The following YWHAE variants were observed in gnomAD, a reference collection of about 807,000 sequenced individuals.
YWHAE encodes tyrosine 3-monooxygenase/tryptophan 5-monooxygenase activation protein epsilon.
In YWHAE, 4 loss-of-function variants were observed where a neutral mutation model predicts 30.1. That is an observed-to-expected ratio of 0.13 (90% CI 0.07 to 0.30). The LOEUF (loss-of-function observed/expected upper bound fraction) is 0.30. YWHAE is among the 10% of genes least tolerant of loss of function. The probability of loss-of-function intolerance (pLI) is 1.00; values close to 1 mark genes in which losing one functional copy is unlikely to be tolerated. For synonymous variants in YWHAE, 118 were observed against 111.8 expected, an observed-to-expected ratio of 1.06 and a Z score of -0.35; for missense variants, 121 against 315.9, an observed-to-expected ratio of 0.38 and a Z score of 4.68.
At chr17:1,348,963 T>A (rs551460892) in intron 5 of YWHAE, among the ~76,000 whole-genome samples, 1 of 148,152 alleles carries the variant, frequency 6.7e-6, no homozygotes, top group African/African-American at 2.5e-5. Flanking sequence ...GAGGCGGAGT[T>A]TGCAGTGAGC....
intron 1 of YWHAE, chr17:1,398,917 C>G (rs1052474595): frequency 6.6e-6 from 1 of 152,122 alleles, no homozygotes; most frequent in Non-Finnish European, 1.5e-5. Context: ...AAAAAGAAAG[C>G]AACAGGATCT....
chr17:1,383,561 G>T (rs926565310), intron 1 of YWHAE, among the ~76,000 whole-genome samples: 1 of 81,170 alleles, frequency 1.2e-5, no homozygotes, highest in Non-Finnish European at 2.2e-5. Context: ...GCAAGTTTTT[G>T]TATTTTTAGT....
chr17:1,362,122 T>C (rs1250657581), intron 2 of YWHAE, 114 bp from the exon 3 acceptor site: 3 of 585,320 alleles, frequency 5.1e-6, no homozygotes. Context: ...AGAATTTGTA[T>C]CCCTCTCCAA....
intron 5 of YWHAE, chr17:1,352,218 TGTAA>T (rs2072646661): frequency 6.6e-6 from 1 of 152,204 alleles, no homozygotes; most frequent in Non-Finnish European, 1.5e-5. Context: ...GTTGCAAGTG[TGTAA>T]GTAAGTCCTA....
chr17:1,376,419 A>G (rs2073125964), intron 1 of YWHAE, among the ~76,000 whole-genome samples: 2 of 152,116 alleles, frequency 1.3e-5, no homozygotes, highest in South Asian at 2.1e-4. Context: ...AAAAGAAAAG[A>G]AGGAAAGAAG....
chr17:1,366,477 G>A (rs2072943780), intron 1 of YWHAE, among the ~76,000 whole-genome samples: 1 of 152,092 alleles, frequency 6.6e-6, no homozygotes, highest in African/African-American at 2.4e-5. Flanking sequence ...GGCAGAGATT[G>A]CAACTGAGAT....
rs574978720 is a variant in YWHAE, at chr17:1,371,573, A to C, written c.65-6515T>G. On this transcript the variant is annotated intron_variant, in intron 1 of 5. Coordinates refer to ENST00000264335, the MANE Select transcript of YWHAE (RefSeq NM_006761.5). ...TAGCATGATTCTTAAAGAGGCCTCA[A>C]ATTTTTCAAACAGTCAATGAGCACT... Among the ~76,000 whole-genome samples, 4 of 152,278 alleles carry C rather than the reference A, an allele frequency of 2.6e-5. No individual in the cohort carries two copies. In the South Asian group the frequency reaches 8.3e-4, roughly 32 times the overall value.
intron 5 of YWHAE, among the ~76,000 whole-genome samples, chr17:1,351,228 T>C (rs1334323402): frequency 6.6e-6 from 1 of 151,724 alleles, no homozygotes; most frequent in Non-Finnish European, 1.5e-5. Flanking sequence ...GGAGTGGTGG[T>C]GGCAGACACC....
At chr17:1,399,861 G>A (rs1320625300) in intron 1 of YWHAE, 186 bp downstream of exon 1, 5 of 693,730 alleles carry the variant, frequency 7.2e-6, no homozygotes, top group Middle Eastern at 2.7e-4. Flanking sequence ...ACGGCGAAGG[G>A]GTCACATTCC....
At chr17:1,388,114 G>GTTTTTTTTT (rs1567983280) in intron 1 of YWHAE, among the ~76,000 whole-genome samples, 2 of 40,330 alleles carry the variant, frequency 5.0e-5, no homozygotes, top group Admixed American at 3.6e-4. Context: ...TTTTTTTTTG[G>GTTTTTTTTT]TTGGTTTTTT....
intron 5 of YWHAE, among the ~76,000 whole-genome samples, chr17:1,347,371 A>AT (rs1037381619): frequency 1.4e-4 from 21 of 150,856 alleles, no homozygotes; most frequent in Non-Finnish European, 2.1e-4. Flanking sequence ...ATGGGGCCAC[A>AT]TGTCTATAGT....
At chr17:1,388,117 G>GTTTTTTTTTTTTT (rs1491196737) in intron 1 of YWHAE, among the ~76,000 whole-genome samples, 22 of 65,106 alleles carry the variant, frequency 3.4e-4, no homozygotes, top group Non-Finnish European at 4.2e-4. Context: ...TTTTTTGGTT[G>GTTTTTTTTTTTTT]GTTTTTTTTT....
intron 1 of YWHAE, among the ~76,000 whole-genome samples, chr17:1,375,893 T>C (rs1339739100): frequency 6.6e-6 from 1 of 152,218 alleles, no homozygotes; most frequent in Non-Finnish European, 1.5e-5. Flanking sequence ...AAACACCCCA[T>C]TTCAACTATG....
chr17:1,350,767 TA>T (rs139181426), intron 5 of YWHAE, among the ~76,000 whole-genome samples: 13,545 of 148,596 alleles, frequency 0.091, 1,479 homozygotes, highest in African/African-American at 0.26. Flanking sequence ...ATAATAATAA[TA>T]AAAAAAAATG....
In YWHAE at chr17:1,365,803, G is replaced by C. The variant is rs1396262322; in HGVS notation, c.65-745C>G. ...AACATTACCCACGTTTCAATCTTTGGTGATGAGACTCAAGAATCTGCATTT... is the reference window on the plus strand; with the variant it reads ...AACATTACCCACGTTTCAATCTTTGCTGATGAGACTCAAGAATCTGCATTT... On this transcript the variant is annotated intron_variant, in intron 1 of 5. Transcript: ENST00000264335. 3.3e-5 allele frequency among the ~76,000 whole-genome samples: 5 copies of C among 152,242 alleles called. No homozygotes were observed. The South Asian group carries it at 8.3e-4, about 25-fold the overall frequency.
At chr17:1,388,333 G>C (rs1265631229) in intron 1 of YWHAE, among the ~76,000 whole-genome samples, 5 of 150,634 alleles carry the variant, frequency 3.3e-5, no homozygotes, top group Non-Finnish European at 4.4e-5. Flanking sequence ...TGGCTAACAC[G>C]GTGAAACCCC....
intron 1 of YWHAE, among the ~76,000 whole-genome samples, chr17:1,367,672 C>G (rs8077143): frequency 0.73 from 111,212 of 152,074 alleles, 41,946 homozygotes; most frequent in African/African-American, 0.91. Context: ...GAAGAGGAGA[C>G]GGGAGGGGAG....
At chr17:1,390,443 T>A (rs2073372757) in intron 1 of YWHAE, among the ~76,000 whole-genome samples, 1 of 152,208 alleles carries the variant, frequency 6.6e-6, no homozygotes, top group African/African-American at 2.4e-5. Flanking sequence ...TCTAATATGA[T>A]CCTAGCACAG....
chr17:1,392,304 G>C (rs1347699726), intron 1 of YWHAE, among the ~76,000 whole-genome samples: 1 of 152,218 alleles, frequency 6.6e-6, no homozygotes, highest in Non-Finnish European at 1.5e-5. Flanking sequence ...GGGCCTGGGA[G>C]GTTGAGGATG....
Sources: gnomAD v4.1 joint callset for allele counts (sites outside exome capture counted in the v4.1 genomes callset) on GRCh38, gnomAD v4.1.1 for gene constraint, MANE v1.5 for transcripts, NCBI Gene and HGNC (gene_info 2026-07-23, HGNC 2026-07-21) for gene names.